Variants in TWIST2 observed in about 807,000 individuals in gnomAD.
The protein encoded by TWIST2 is twist family bHLH transcription factor 2.
In TWIST2, 1 loss-of-function variant was observed where a neutral mutation model predicts 11.6. The ratio of observed to expected loss-of-function variants is 0.09; its 90% CI spans 0.03 to 0.41. TWIST2 has a LOEUF of 0.41. Ranked by LOEUF, TWIST2 falls within the 10% of genes least tolerant of loss-of-function variation. TWIST2 has a pLI of 0.98. For missense variants in TWIST2, 168 were observed against 226.4 expected (o/e 0.74, Z 1.66); for synonymous variants, 87 against 96.6 (o/e 0.90, Z 0.58).
chr2:238,896,148 G>A (rs1451926714), intron 1 of TWIST2, among the ~76,000 whole-genome samples: 4 of 152,140 alleles, frequency 2.6e-5, no homozygotes, highest in African/African-American at 9.7e-5. Context: ...TCACGGAGGG[G>A]GGAGAGAGGG....
intron 1 of TWIST2, among the ~76,000 whole-genome samples, chr2:238,861,855 C>T (rs577220187): frequency 3.3e-5 from 5 of 152,216 alleles, no homozygotes; most frequent in African/African-American, 7.2e-5. Context: ...GATGAAATCT[C>T]GAGCTGTCCC....
Position 238,905,866 on chromosome 2 carries a change from C to T in TWIST2, c.*36-3976C>T, listed in dbSNP as rs1225072680. On this transcript the variant is annotated intron_variant, in intron 1 of 1. Transcript: ENST00000612363. ...GTGTGTGTGTGTGTGCGTGTGTGTG[C>T]GTGCGTGTGTGTGCATGTGCGCGCA... 7.3e-3 allele frequency among the ~76,000 whole-genome samples: 854 copies of T among 116,530 alleles called. 11 individuals carry two copies. Among genetic ancestry groups the T allele is most frequent in the Non-Finnish European group, 5.1e-3 (291 of 56,592 alleles). The allele number at this position is 116,530 out of a possible 152,430, so 76.4% of individuals were successfully genotyped here.
At chr2:238,909,029 G>GATGTATTTGTGGTTGTGGTAT (rs1693406688) in intron 1 of TWIST2, among the ~76,000 whole-genome samples, 1 of 152,192 alleles carries the variant, frequency 6.6e-6, no homozygotes, top group Non-Finnish European at 1.5e-5. Context: ...GTGGAGGTGT[G>GATGTATTTGTGGTTGTGGTAT]GTGTATTCGT....
intron 1 of TWIST2, among the ~76,000 whole-genome samples, chr2:238,868,796 GAC>G (rs1423705737): frequency 6.6e-6 from 1 of 152,244 alleles, no homozygotes; most frequent in African/African-American, 2.4e-5. Context: ...GTAGGGCCGG[GAC>G]ACAAGCCCAC....
At chr2:238,886,843 G>A (rs990078751) in intron 1 of TWIST2, 3 of 152,252 alleles carry the variant, frequency 2.0e-5, no homozygotes, top group Non-Finnish European at 2.9e-5. Flanking sequence ...AAGAGGAAGA[G>A]GGGGCAGTGT....
At position 238,848,147 on chromosome 2, in the gene TWIST2, G is replaced by T. The variant is rs1692165118; in HGVS notation, c.-69G>T. Reference sequence around the variant, plus strand: ...CTCCGAGAGCGTGTGCTCGGCGACCGCGGGCTTGGCCAGCGGCGCGCGCTC... The same window carrying T: ...CTCCGAGAGCGTGTGCTCGGCGACCTCGGGCTTGGCCAGCGGCGCGCGCTC... On this transcript the variant is annotated 5_prime_UTR_variant, in exon 1 of 2. Transcript: ENST00000612363. 5.2e-6 allele frequency: 6 copies of T among 1,151,626 alleles called. No individual in the cohort carries two copies. Among genetic ancestry groups the T allele is most frequent in the Non-Finnish European group, 6.4e-6 (6 of 935,446 alleles). 71.3% of individuals were successfully genotyped at this position (1,151,626 alleles called of 1,614,324 possible). A position where few individuals can be genotyped will look rare whatever the true frequency, so the allele number is the denominator to read the frequency against.
intron 1 of TWIST2, among the ~76,000 whole-genome samples, chr2:238,860,848 G>A (rs1490468654): frequency 6.6e-6 from 1 of 152,236 alleles, no homozygotes; most frequent in Non-Finnish European, 1.5e-5. Context: ...TGAGGCAGGA[G>A]AATCGCTTGA....
intron 1 of TWIST2, among the ~76,000 whole-genome samples, chr2:238,909,539 C>T (rs1388244054): frequency 1.3e-5 from 2 of 152,210 alleles, no homozygotes; most frequent in East Asian, 3.9e-4. Context: ...GCGCTGAGCA[C>T]GGGCCAGGGA....
chr2:238,905,840 AGTGT>A (rs1167633014), intron 1 of TWIST2, among the ~76,000 whole-genome samples: 95 of 115,432 alleles, frequency 8.2e-4, no homozygotes, highest in African/African-American at 2.2e-3. Flanking sequence ...CTTTGAAAAA[AGTGT>A]GTGTGTGTGT....
chr2:238,876,451 C>T (rs935223607), intron 1 of TWIST2, among the ~76,000 whole-genome samples: 1 of 152,128 alleles, frequency 6.6e-6, no homozygotes, highest in African/African-American at 2.4e-5. Flanking sequence ...TGTGTCAGGC[C>T]GAAGGTGCAG....
At chr2:238,896,806 A>G (rs993575802) in intron 1 of TWIST2, among the ~76,000 whole-genome samples, 261 of 152,278 alleles carry the variant, frequency 1.7e-3, no homozygotes, top group African/African-American at 5.7e-3. Context: ...TTGGAGTACC[A>G]TGGGCACGTG....
chr2:238,849,471 G>C (rs897956275), intron 1 of TWIST2, among the ~76,000 whole-genome samples: 3 of 152,196 alleles, frequency 2.0e-5, no homozygotes, highest in African/African-American at 7.2e-5. Context: ...ACGCAGCCGC[G>C]CGGAGCCCCA....
intron 1 of TWIST2, among the ~76,000 whole-genome samples, 165 bp downstream of exon 1, chr2:238,848,898 G>C (rs1692185625): frequency 6.6e-6 from 1 of 152,106 alleles, no homozygotes; most frequent in African/African-American, 2.4e-5. Flanking sequence ...CGGGCGGGAC[G>C]CTCACAGTCC....
chr2:238,905,069 C>A (rs954758860), intron 1 of TWIST2, among the ~76,000 whole-genome samples: 2 of 152,006 alleles, frequency 1.3e-5, no homozygotes, highest in Non-Finnish European at 2.9e-5. Context: ...GCTGGGTGGG[C>A]AGGTGAGGAG....
chr2:238,893,064 GC>G (rs1458001704), intron 1 of TWIST2, among the ~76,000 whole-genome samples: 1 of 152,146 alleles, frequency 6.6e-6, no homozygotes, highest in Non-Finnish European at 1.5e-5. Flanking sequence ...AACTCTGCAG[GC>G]CTAAAAGCAC....
rs1483564347 is a variant in TWIST2 at position 238,866,474 on chromosome 2, T to C, written c.*35+17741T>C. On this transcript the variant is annotated intron_variant, in intron 1 of 1. Coordinates refer to ENST00000612363, the MANE Select transcript of TWIST2 (RefSeq NM_001271893.4). The surrounding 1 kb of genome is among the most constrained non-coding windows in gnomAD (Gnocchi z 4.9). ...GAATTCGAGACCAGCCTGGCCAACA[T>C]GGTGAAACCCCGTCTCTGCCAAAAA... 2.0e-5 allele frequency among the ~76,000 whole-genome samples: 3 copies of C among 152,146 alleles called. No individual in the cohort carries two copies. Among genetic ancestry groups the C allele is most frequent in the Non-Finnish European group, 4.4e-5 (3 of 68,020 alleles).
intron 1 of TWIST2, among the ~76,000 whole-genome samples, chr2:238,870,569 CACACA>C (rs1692659541): frequency 8.3e-5 from 1 of 12,032 alleles, no homozygotes; most frequent in African/African-American, 2.4e-4. Flanking sequence ...CACCACACAC[CACACA>C]CCACACACAC....
At chr2:238,871,653 C>T (rs1448599597) in intron 1 of TWIST2, among the ~76,000 whole-genome samples, 1 of 72,088 alleles carries the variant, frequency 1.4e-5, no homozygotes, top group Non-Finnish European at 3.1e-5. Context: ...ACAAACACCC[C>T]CCCCACACAC....
intron 1 of TWIST2, among the ~76,000 whole-genome samples, chr2:238,905,930 T>TGC (rs1222969992): frequency 2.1e-5 from 3 of 140,298 alleles, no homozygotes; most frequent in Non-Finnish European, 4.6e-5. Context: ...GGTGTGCGTG[T>TGC]GCGCGTGTGT....
Sources: gnomAD v4.1 joint callset for allele counts (sites outside exome capture counted in the v4.1 genomes callset) on GRCh38, gnomAD v4.1.1 for gene constraint, Gnocchi (gnomAD v3.1) non-coding constraint, MANE v1.5 for transcripts, NCBI Gene and HGNC (gene_info 2026-07-23, HGNC 2026-07-21) for gene names.